KCTD14: variants seen among roughly 807,000 people sequenced by gnomAD.
KCTD14 encodes potassium channel tetramerization domain containing 14, also known as BTB/POZ domain-containing protein KCTD14.
KCTD14 carries 7 observed loss-of-function variants against 5.9 expected under a neutral mutation model. The ratio of observed to expected loss-of-function variants is 1.19; its 90% CI spans 0.68 to 2.23. KCTD14 has a LOEUF of 2.23. Among genes scored for constraint, KCTD14 ranks in the 30% most tolerant of loss-of-function variants. The probability of loss-of-function intolerance (pLI) is 0.00; values close to 1 mark genes in which losing one functional copy is unlikely to be tolerated. For missense variants in KCTD14, 342 were observed against 332.2 expected (o/e 1.03, Z -0.23); for synonymous variants, 140 against 133.1 (o/e 1.05, Z -0.36).
intron 1 of KCTD14, among the ~76,000 whole-genome samples, chr11:78,018,482 G>A (rs1233633364): frequency 6.6e-6 from 1 of 152,062 alleles, no homozygotes; most frequent in Non-Finnish European, 1.5e-5. Flanking sequence ...CGAGGTGAGT[G>A]GATCACTTGA....
chr11:78,045,875 C>T (rs748077233), intron 1 of KCTD14, among the ~76,000 whole-genome samples: 11 of 152,114 alleles, frequency 7.2e-5, no homozygotes, highest in Admixed American at 2.0e-4. Flanking sequence ...ACCGCTTCTC[C>T]CCCACCCCAC....
chr11:78,032,249 G>C (rs1177975317), intron 2 of KCTD14, among the ~76,000 whole-genome samples: 1 of 152,232 alleles, frequency 6.6e-6, no homozygotes, highest in African/African-American at 2.4e-5. Flanking sequence ...CAGGCAGCCA[G>C]AGCTTCTGGA....
intron 2 of KCTD14, among the ~76,000 whole-genome samples, chr11:78,033,795 G>A (rs556563709): frequency 1.3e-5 from 2 of 148,310 alleles, no homozygotes; most frequent in South Asian, 2.1e-4. Flanking sequence ...GCAATGAGCC[G>A]AGATCACACC....
At chr11:78,043,628 G>C (rs1326065172) in intron 1 of KCTD14, among the ~76,000 whole-genome samples, 2 of 152,328 alleles carry the variant, frequency 1.3e-5, no homozygotes, top group Non-Finnish European at 2.9e-5. Context: ...TGGGGTGTCA[G>C]GGAAGGCCTC....
intron 2 of KCTD14, among the ~76,000 whole-genome samples, chr11:78,034,457 TTC>T (rs139232522): frequency 3.7e-3 from 538 of 146,956 alleles, no homozygotes; most frequent in Non-Finnish European, 3.8e-3. Flanking sequence ...GTCTTAATCT[TTC>T]TCTCTCTCTC....
At chr11:78,026,328 G>A (rs1032234553), upstream of KCTD14, among the ~76,000 whole-genome samples, 10 of 151,832 alleles carry the variant, frequency 6.6e-5, no homozygotes, top group African/African-American at 2.4e-4. Context: ...CCCCGGCTAG[G>A]GCTACTAAGG....
At position 78,033,901 on chromosome 11, in the gene KCTD14, G is replaced by GTGTGTATATATATATATATATATATA; in HGVS notation, c.-1+4762_-1+4763insTATATATATATATATATATATACACA. 5.2e-3 allele frequency among the ~76,000 whole-genome samples: 599 copies of GTGTGTATATATATATATATATATATA among 115,358 alleles called. 8 individuals are homozygous for GTGTGTATATATATATATATATATATA. The highest frequency in any genetic ancestry group is 0.016 in the African/African-American group (459 of 28,418). The allele number at this position is 115,358 out of a possible 152,430, so 75.7% of individuals were successfully genotyped here. A position where few individuals can be genotyped will look rare whatever the true frequency, so the allele number is the denominator to read the frequency against. ...ATAGTGTGTGTGTATGTGTGTGTGT[G>GTGTGTATATATATATATATATATATA]TATATATATATATACACACATTATA... On this transcript the variant is annotated intron_variant, in intron 2 of 2. Coordinates refer to the KCTD14 transcript ENST00000533144.
At chr11:78,024,473 T>C (rs1857399776), upstream of KCTD14, among the ~76,000 whole-genome samples, 1 of 147,438 alleles carries the variant, frequency 6.8e-6, no homozygotes, top group African/African-American at 2.5e-5. Flanking sequence ...TATATATATA[T>C]AAAATTGGTT....
At chr11:78,040,193 C>T (rs986955036) in intron 1 of KCTD14, among the ~76,000 whole-genome samples, 3 of 152,218 alleles carry the variant, frequency 2.0e-5, no homozygotes, top group African/African-American at 7.2e-5. Context: ...CAAGCCAAGG[C>T]TGCCCCCGTT....
chr11:78,041,926 A>G (rs1858005005), intron 1 of KCTD14, among the ~76,000 whole-genome samples: 1 of 152,180 alleles, frequency 6.6e-6, no homozygotes, highest in Non-Finnish European at 1.5e-5. Context: ...CTAGAGCTAT[A>G]ACACTCACCG....
At chr11:78,036,471 C>T (rs1463873118) in intron 2 of KCTD14, among the ~76,000 whole-genome samples, 1 of 152,168 alleles carries the variant, frequency 6.6e-6, no homozygotes, top group East Asian at 1.9e-4. Flanking sequence ...AAAACCAAGG[C>T]CCAGAGAGGT....
rs1432450896 is a variant in KCTD14 at position 78,015,900 on chromosome 11, A to G, written c.*693T>C. On this transcript the variant is annotated 3_prime_UTR_variant, in exon 2 of 2. Coordinates refer to ENST00000353172, the MANE Select transcript of KCTD14 (RefSeq NM_023930.4). ...TAAGAGGTCAGTCTTTTGTACCTCC[A>G]TACAAGAGGTAGCAATTCTTTTCTA... is the stretch of plus-strand genomic sequence containing the variant. 6.6e-6 allele frequency: 1 copy of G among 152,296 alleles called. No homozygotes were observed. 9.4% of individuals were successfully genotyped at this position (152,296 alleles called of 1,614,324 possible). A position where few individuals can be genotyped will look rare whatever the true frequency, so the allele number is the denominator to read the frequency against.
At chr11:78,035,522 A>G (rs983173087) in intron 2 of KCTD14, among the ~76,000 whole-genome samples, 1 of 151,856 alleles carries the variant, frequency 6.6e-6, no homozygotes, top group Non-Finnish European at 1.5e-5. Flanking sequence ...ACTCTCCCCA[A>G]ACCCTGCCAA....
At chr11:78,030,380 G>A (rs1471769805) in intron 2 of KCTD14, among the ~76,000 whole-genome samples, 1 of 152,132 alleles carries the variant, frequency 6.6e-6, no homozygotes, top group Non-Finnish European at 1.5e-5. Flanking sequence ...TCTAGTTTCG[G>A]CTCTGCCACC....
At chr11:78,029,540 T>A (rs1565313701) in intron 2 of KCTD14, among the ~76,000 whole-genome samples, 1 of 152,196 alleles carries the variant, frequency 6.6e-6, no homozygotes, top group Non-Finnish European at 1.5e-5. Flanking sequence ...AAACAACTAA[T>A]GAAACTGGAA....
chr11:78,025,709 C>T (rs1857447213), upstream of KCTD14, among the ~76,000 whole-genome samples: 2 of 152,156 alleles, frequency 1.3e-5, no homozygotes. Flanking sequence ...CCCAGGGCAG[C>T]TGCTTGGAGT....
At chr11:78,039,068 CAA>C (rs34453594) in intron 1 of KCTD14, among the ~76,000 whole-genome samples, 5 of 114,738 alleles carry the variant, frequency 4.4e-5, no homozygotes, top group African/African-American at 1.1e-4. Flanking sequence ...CTTTAGATTA[CAA>C]AAAAAAAAAA....
At chr11:78,038,898 A>G (rs1857901259) in intron 1 of KCTD14, 2 of 978,270 alleles carry the variant, frequency 2.0e-6, no homozygotes, top group African/African-American at 1.6e-5. Flanking sequence ...GGTCACGGTC[A>G]GGCCCGGATG....
chr11:78,041,184 C>T (rs146113254), intron 1 of KCTD14, among the ~76,000 whole-genome samples: 3 of 152,232 alleles, frequency 2.0e-5, no homozygotes, highest in East Asian at 1.9e-4. Flanking sequence ...GCGGCACTGG[C>T]GCAGTGGCAG....
Sources: gnomAD v4.1 joint callset for allele counts (sites outside exome capture counted in the v4.1 genomes callset) on GRCh38, gnomAD v4.1.1 for gene constraint, MANE v1.5 for transcripts, NCBI Gene and HGNC (gene_info 2026-07-23, HGNC 2026-07-21) for gene names.